Variants in RHBDL2 observed in about 807,000 individuals in gnomAD.
The protein encoded by RHBDL2 is rhomboid like 2, also known as rhomboid-related protein 2.
RHBDL2 carries 26 observed loss-of-function variants against 31.7 expected under a neutral mutation model. The observed-to-expected ratio is 0.82, with a 90% CI of 0.60 to 1.14. The LOEUF is 1.14. RHBDL2 is among the 50% of genes most tolerant of loss of function. The pLI, the probability that RHBDL2 is intolerant of heterozygous loss-of-function variation, is 0.00. For synonymous variants in RHBDL2, 123 were observed against 127.2 expected (o/e 0.97, Z 0.22); for missense variants, 336 against 364.4 (o/e 0.92, Z 0.63).
At chr1:38,888,400 A>G (rs942849714) in intron 6 of RHBDL2, among the ~76,000 whole-genome samples, 12 of 152,234 alleles carry the variant, frequency 7.9e-5, no homozygotes, top group Non-Finnish European at 1.6e-4. Context: ...TAAAACATAC[A>G]GTATGTCAAA....
At chr1:38,919,365 A>T in intron 1 of RHBDL2, 28 bp from the exon 2 acceptor site, 1 of 1,530,708 alleles carries the variant, frequency 6.5e-7, no homozygotes, top group Non-Finnish European at 8.7e-7. Flanking sequence ...ACAGCTGAAG[A>T]TGATCAAAAT....
intron 1 of RHBDL2, among the ~76,000 whole-genome samples, chr1:38,931,558 C>T (rs965855592): frequency 2.0e-5 from 3 of 151,742 alleles, no homozygotes; most frequent in Non-Finnish European, 4.4e-5. Flanking sequence ...AAAAAGAAAT[C>T]TGCATGCCTT....
At chr1:38,901,846 A>AAATG (rs909561917) in intron 4 of RHBDL2, among the ~76,000 whole-genome samples, 2 of 137,192 alleles carry the variant, frequency 1.5e-5, no homozygotes, top group African/African-American at 3.4e-5. Context: ...AAAATAAAAT[A>AAATG]AATAAATAAA....
At chr1:38,919,466 C>T (rs564172669) in intron 1 of RHBDL2, 129 bp from the exon 2 acceptor site, 941 of 752,356 alleles carry the variant, frequency 1.3e-3, no homozygotes, top group Non-Finnish European at 1.7e-3. Flanking sequence ...GCAGCTCTAC[C>T]ATGTATCAGC....
chr1:38,910,041 C>T (rs181303114), intron 4 of RHBDL2, among the ~76,000 whole-genome samples: 14 of 152,304 alleles, frequency 9.2e-5, no homozygotes, highest in Admixed American at 7.8e-4. Context: ...ACTATTGACA[C>T]ATGCAACAAC....
rs1642916227 is a variant in RHBDL2 at position 38,896,089 on chromosome 1, A to C, written c.509-20T>G. 5 of 1,521,090 alleles carry C rather than the reference A, an allele frequency of 3.3e-6. No homozygotes were observed. Among genetic ancestry groups the C allele is most frequent in the Non-Finnish European group, 3.6e-6 (4 of 1,096,134 alleles). The allele number at this position is 1,521,090 out of a possible 1,614,324, so 94.2% of individuals were successfully genotyped here. A position where few individuals can be genotyped will look rare whatever the true frequency, so the allele number is the denominator to read the frequency against. On this transcript the variant is annotated intron_variant, in intron 4 of 7. Coordinates refer to ENST00000372990, the MANE Select transcript of RHBDL2 (RefSeq NM_017821.5). ...GGGACCCTAAAGAAATAAAACACAA[A>C]GGATCAGACATGACTATACGGATCA...
rs148573066 is a variant in RHBDL2, at chr1:38,905,389, G to A, written c.508+5933C>T. ...CTTATTTTTCTTTTTGCCATCCACA[G>A]GACTCTGCTCGATAGATTTCTTGTT... On this transcript the variant is annotated intron_variant, in intron 4 of 7. Transcript: ENST00000372990. Among the ~76,000 whole-genome samples the A allele has an allele frequency of 7.8e-3, 1,183 of 151,884 alleles. 12 individuals carry two copies. The highest frequency in any genetic ancestry group is 0.011 in the Non-Finnish European group (729 of 67,940).
intron 4 of RHBDL2, among the ~76,000 whole-genome samples, chr1:38,908,369 G>A (rs1284525214): frequency 5.3e-5 from 8 of 151,660 alleles, no homozygotes; most frequent in East Asian, 1.9e-4. Context: ...AAAATTAGCC[G>A]GGTGTGGTGG....
intron 6 of RHBDL2, among the ~76,000 whole-genome samples, chr1:38,890,204 A>G (rs1267653295): frequency 6.6e-6 from 1 of 151,808 alleles, no homozygotes; most frequent in African/African-American, 2.4e-5. Context: ...TGCCTGGTTA[A>G]TTTTTGTATT....
chr1:38,907,850 C>T (rs1488886714), intron 4 of RHBDL2, among the ~76,000 whole-genome samples: 1 of 152,078 alleles, frequency 6.6e-6, no homozygotes, highest in Admixed American at 6.6e-5. Flanking sequence ...TAAGACATAA[C>T]CCCAAAAGTA....
intron 4 of RHBDL2, among the ~76,000 whole-genome samples, chr1:38,910,344 G>A (rs914264549): frequency 1.6e-4 from 25 of 152,260 alleles, no homozygotes; most frequent in African/African-American, 4.1e-4. Context: ...ATTGGGGATC[G>A]CTGGTTTAAA....
At chr1:38,939,460 A>T (rs989406105) in intron 1 of RHBDL2, among the ~76,000 whole-genome samples, 15 of 152,098 alleles carry the variant, frequency 9.9e-5, no homozygotes, top group Admixed American at 2.6e-4. Flanking sequence ...CCAGGAGTTC[A>T]AGACCATCCT....
chr1:38,888,097 T>G, intron 6 of RHBDL2, 73 bp from the exon 7 acceptor site: 1 of 881,404 alleles, frequency 1.1e-6, no homozygotes, highest in Non-Finnish European at 1.8e-6. Flanking sequence ...GGTTCCCCTC[T>G]AATAATAATA....
At chr1:38,926,668 C>T (rs1216113100) in intron 1 of RHBDL2, 1 of 152,172 alleles carries the variant, frequency 6.6e-6, no homozygotes, top group Non-Finnish European at 1.5e-5. Flanking sequence ...AAAACCCCAT[C>T]TCTACGAAAA....
chr1:38,910,394 A>C (rs190721165), intron 4 of RHBDL2, among the ~76,000 whole-genome samples: 1 of 152,368 alleles, frequency 6.6e-6, no homozygotes, highest in East Asian at 1.9e-4. Flanking sequence ...TAACAACTGC[A>C]TGTAAATCTA....
intron 1 of RHBDL2, among the ~76,000 whole-genome samples, chr1:38,927,406 G>A (rs940944206): frequency 7.9e-5 from 12 of 151,966 alleles, no homozygotes; most frequent in East Asian, 1.9e-4. Flanking sequence ...CAGCCTGGGC[G>A]ACAGAGCCAG....
At chr1:38,922,377 C>T (rs1386283866) in intron 1 of RHBDL2, among the ~76,000 whole-genome samples, 3 of 108,250 alleles carry the variant, frequency 2.8e-5, no homozygotes, top group African/African-American at 8.3e-5. Flanking sequence ...AAGTGAGCCT[C>T]CCACCTCAGC....
intron 1 of RHBDL2, among the ~76,000 whole-genome samples, chr1:38,928,510 G>T (rs537441829): frequency 6.6e-6 from 1 of 151,298 alleles, no homozygotes; most frequent in African/African-American, 2.4e-5. Flanking sequence ...GCAATGGCAC[G>T]ATCTTGGCTC....
intron 1 of RHBDL2, among the ~76,000 whole-genome samples, chr1:38,924,782 C>CTTTT (rs111244874): frequency 3.2e-5 from 4 of 125,834 alleles, no homozygotes; most frequent in South Asian, 5.3e-4. Flanking sequence ...TTTCTTTTTT[C>CTTTT]TTTTTTTTTT....
Sources: gnomAD v4.1 joint callset for allele counts (sites outside exome capture counted in the v4.1 genomes callset) on GRCh38, gnomAD v4.1.1 for gene constraint, MANE v1.5 for transcripts, NCBI Gene and HGNC (gene_info 2026-07-23, HGNC 2026-07-21) for gene names.